Variants in CDH4 observed in about 807,000 individuals in gnomAD.
CDH4 encodes cadherin 4.
CDH4 carries 33 observed loss-of-function variants against 86.0 expected under a neutral mutation model. That is an observed-to-expected ratio of 0.38 (90% CI 0.29 to 0.51). The LOEUF (loss-of-function observed/expected upper bound fraction) is 0.51. Among genes scored for constraint, CDH4 ranks in the 20% least tolerant of loss-of-function variants. CDH4 has a pLI of 0.86. For synonymous variants in CDH4, 555 were observed against 549.4 expected (o/e 1.01, Z -0.14); for missense variants, 1,114 against 1,307.4 (o/e 0.85, Z 2.28).
chr20:61,792,992 TCAC>T (rs1979291323), intron 4 of CDH4, among the ~76,000 whole-genome samples: 1 of 147,406 alleles, frequency 6.8e-6, no homozygotes, highest in African/African-American at 2.5e-5. Context: ...AGACAGAGTT[TCAC>T]TCTGTTGCCC....
chr20:61,907,200 C>T (rs372560656), intron 8 of CDH4, among the ~76,000 whole-genome samples: 4 of 152,116 alleles, frequency 2.6e-5, no homozygotes, highest in African/African-American at 7.2e-5. Flanking sequence ...CCCCCCCGGG[C>T]ACCAGGTCAG....
At chr20:61,285,841 G>A (rs1388546864) in intron 2 of CDH4, among the ~76,000 whole-genome samples, 1 of 152,254 alleles carries the variant, frequency 6.6e-6, no homozygotes, top group Non-Finnish European at 1.5e-5. Context: ...ACGTGGTTCT[G>A]GTGATGTTGC....
At chr20:61,668,884 G>A (rs541577414) in intron 2 of CDH4, among the ~76,000 whole-genome samples, 5 of 152,314 alleles carry the variant, frequency 3.3e-5, no homozygotes, top group South Asian at 2.1e-4. Context: ...CAGCAGGCCC[G>A]GGTGCCTTCC....
intron 2 of CDH4, among the ~76,000 whole-genome samples, chr20:61,316,138 T>C (rs1432669191): frequency 6.6e-6 from 1 of 152,156 alleles, no homozygotes; most frequent in African/African-American, 2.4e-5. Flanking sequence ...GTTGGCAAGT[T>C]CCTTTGGGTT....
In CDH4 at chr20:61,755,330, G is replaced by A. The variant is rs149018075; in HGVS notation, c.396+11541G>A. 3.9e-5 allele frequency among the ~76,000 whole-genome samples: 5 copies of A among 127,152 alleles called. No individual in the cohort carries two copies. The East Asian group carries it at 1.3e-3, about 32-fold the overall frequency. The allele number at this position is 127,152 out of a possible 152,430, so 83.4% of individuals were successfully genotyped here. ...ACACAGTGCACACCGCACACACACT[G>A]CCTTGTAACACCACACACATAGTGC... On this transcript the variant is annotated intron_variant, in intron 3 of 15. Coordinates refer to ENST00000614565, the MANE Select transcript of CDH4 (RefSeq NM_001794.5).
intron 2 of CDH4, among the ~76,000 whole-genome samples, chr20:61,532,150 T>C (rs6121671): frequency 0.28 from 42,740 of 152,084 alleles, 7,513 homozygotes; most frequent in East Asian, 0.66. Context: ...GAGGACACAC[T>C]GATGACACCA....
chr20:61,813,431 T>A (rs1350026317), intron 4 of CDH4, among the ~76,000 whole-genome samples: 1 of 152,206 alleles, frequency 6.6e-6, no homozygotes, highest in African/African-American at 2.4e-5. Flanking sequence ...AGCATCCCTG[T>A]GAGGACTCTG....
chr20:61,822,285 C>T lies in CDH4; in HGVS notation c.577-22383C>T, dbSNP rs372687392. On this transcript the variant is annotated intron_variant, in intron 4 of 15. Transcript: ENST00000614565. ...CATTTATTCATTTTAATATAATAAC[C>T]GTCTTGTCTTGTGGGTGAGTATGAT... Among the ~76,000 whole-genome samples, 20 of 152,236 alleles carry T rather than the reference C, an allele frequency of 1.3e-4. No homozygotes were observed. The South Asian group carries it at 3.3e-3, about 25-fold the overall frequency.
rs2084065505 is a variant in CDH4, at chr20:61,252,432, G to A, written c.-82G>A. ...CGGCGGCGGCGGCGATCGGAGCGGC[G>A]GCGGTGGTCTCGGCGGCGGCGGCGG... On this transcript the variant is annotated 5_prime_UTR_variant, in exon 1 of 16. Transcript: ENST00000614565. This position sits in a 1 kb window ranked among gnomAD's most constrained non-coding sequence, Gnocchi z 4.4. 1.8e-5 allele frequency: 11 copies of A among 607,938 alleles called. No homozygotes were observed. In the South Asian group the frequency reaches 6.9e-4, roughly 38 times the overall value. 37.7% of individuals were successfully genotyped at this position (607,938 alleles called of 1,614,324 possible).
intron 9 of CDH4, among the ~76,000 whole-genome samples, chr20:61,913,341 G>T (rs925838923): frequency 6.6e-6 from 1 of 152,244 alleles, no homozygotes; most frequent in Admixed American, 6.5e-5. Context: ...CAGCCCAGGG[G>T]CTGGTGGCCT....
chr20:61,662,287 G>T (rs780157294), intron 2 of CDH4, among the ~76,000 whole-genome samples: 71 of 152,242 alleles, frequency 4.7e-4, no homozygotes, highest in Non-Finnish European at 6.9e-4. Context: ...CGTGGCAGAG[G>T]TAGGCCCTGG....
intron 2 of CDH4, among the ~76,000 whole-genome samples, chr20:61,401,650 G>A (rs1350768279): frequency 6.6e-6 from 1 of 152,184 alleles, no homozygotes. Flanking sequence ...GACATATCAT[G>A]ACCTCTTAGA....
intron 2 of CDH4, among the ~76,000 whole-genome samples, chr20:61,309,466 C>T (rs1267922590): frequency 6.6e-6 from 1 of 152,114 alleles, no homozygotes; most frequent in East Asian, 1.9e-4. Flanking sequence ...CTCGAGTTTC[C>T]AGATGCCCTG....
At chr20:61,430,726 G>A (rs1426730768) in intron 2 of CDH4, among the ~76,000 whole-genome samples, 3 of 152,160 alleles carry the variant, frequency 2.0e-5, no homozygotes, top group African/African-American at 7.2e-5. Context: ...CAAAGCAGCT[G>A]CTCCACACGC....
intron 4 of CDH4, among the ~76,000 whole-genome samples, chr20:61,778,437 T>A (rs1465263880): frequency 6.6e-6 from 1 of 152,132 alleles, no homozygotes; most frequent in Non-Finnish European, 1.5e-5. Context: ...GCTTTTTCCT[T>A]GGAAGGAATA....
rs147833211 is a variant in CDH4, at chr20:61,573,563, C to A, written c.170-170000C>A. Reference sequence around the variant, plus strand: ...GCATGTTTGGTGGAGGGGGTCGTGTCCCACAGTCCTGACCAGCGTGGGCAC... The same window carrying A: ...GCATGTTTGGTGGAGGGGGTCGTGTACCACAGTCCTGACCAGCGTGGGCAC... On this transcript the variant is annotated intron_variant, in intron 2 of 15. Coordinates refer to ENST00000614565, the MANE Select transcript of CDH4 (RefSeq NM_001794.5). 3.8e-3 allele frequency among the ~76,000 whole-genome samples: 585 copies of A among 152,246 alleles called. 4 individuals are homozygous for A. The highest frequency in any genetic ancestry group is 0.013 in the African/African-American group (559 of 41,534).
intron 4 of CDH4, among the ~76,000 whole-genome samples, chr20:61,779,947 A>C (rs1291251217): frequency 1.3e-5 from 2 of 152,218 alleles, no homozygotes; most frequent in Admixed American, 1.3e-4. Context: ...TATAATTAGC[A>C]CGGAGTCCAC....
At chr20:61,639,537 T>C (rs2086983341) in intron 2 of CDH4, among the ~76,000 whole-genome samples, 2 of 152,236 alleles carry the variant, frequency 1.3e-5, no homozygotes, top group African/African-American at 4.8e-5. Flanking sequence ...ATAACCTCTT[T>C]AAGGACTTGA....
At chr20:61,822,088 T>C (rs1981074454) in intron 4 of CDH4, among the ~76,000 whole-genome samples, 2 of 152,292 alleles carry the variant, frequency 1.3e-5, no homozygotes. Flanking sequence ...CTCTGCGCTT[T>C]TATTTTTAAA....
Sources: allele counts gnomAD v4.1 joint callset (sites outside exome capture counted in the v4.1 genomes callset), GRCh38; gene constraint gnomAD v4.1.1; non-coding constraint Gnocchi (gnomAD v3.1); transcripts MANE v1.5; gene names NCBI Gene and HGNC (gene_info 2026-07-23, HGNC 2026-07-21).